The following COPZ1 variants were observed in gnomAD, a reference collection of about 807,000 sequenced individuals.
The protein encoded by COPZ1 is coat protein complex I subunit zeta 1.
A neutral mutation model predicts 31.7 loss-of-function variants in COPZ1; 4 were observed. The ratio of observed to expected loss-of-function variants is 0.13; its 90% CI spans 0.06 to 0.29. The LOEUF (loss-of-function observed/expected upper bound fraction) is 0.29. COPZ1 is among the 10% of genes least tolerant of loss of function. The pLI, the probability that COPZ1 is intolerant of heterozygous loss-of-function variation, is 1.00. For synonymous variants in COPZ1, 74 were observed against 79.0 expected (o/e 0.94, Z 0.33); for missense variants, 156 against 211.5 (o/e 0.74, Z 1.63).
intron 1 of COPZ1, 50 bp downstream of exon 1, chr12:54,325,231 G>C (rs1422423433): frequency 6.5e-7 from 1 of 1,545,562 alleles, no homozygotes; most frequent in African/African-American, 1.4e-5. Flanking sequence ...CAGGGGCCGG[G>C]AGTCAGGGTT....
At chr12:54,346,852 T>C (rs1456760680) in intron 5 of COPZ1, among the ~76,000 whole-genome samples, 1 of 152,098 alleles carries the variant, frequency 6.6e-6, no homozygotes, top group Non-Finnish European at 1.5e-5. Context: ...CAAGACCCTG[T>C]CTCAAAAAAC....
intron 1 of COPZ1, 50 bp from the exon 2 acceptor site, chr12:54,340,497 C>T (rs1453272665): frequency 6.2e-7 from 1 of 1,610,116 alleles, no homozygotes; most frequent in African/African-American, 1.3e-5. Flanking sequence ...TCTGGTTTAC[C>T]AGTGGTGATG....
chr12:54,348,557 T>G (rs1954100497), intron 7 of COPZ1, among the ~76,000 whole-genome samples: 1 of 151,936 alleles, frequency 6.6e-6, no homozygotes, highest in Admixed American at 6.6e-5. Context: ...ACCAACATGG[T>G]GAAACCCTGT....
chr12:54,328,359 C>G (rs1953698650), intron 1 of COPZ1, among the ~76,000 whole-genome samples: 1 of 151,482 alleles, frequency 6.6e-6, no homozygotes, highest in Non-Finnish European at 1.5e-5. Flanking sequence ...ATCACGAGGT[C>G]AGGAGTTGGA....
chr12:54,343,421 T>G, intron 4 of COPZ1, 105 bp downstream of exon 4: 1 of 917,230 alleles, frequency 1.1e-6, no homozygotes, highest in Non-Finnish European at 1.8e-6. Context: ...TTCCTCTGGC[T>G]TCTGACCAAG....
chr12:54,350,620 C>G lies in COPZ1; in HGVS notation c.*97C>G. On this transcript the variant is annotated 3_prime_UTR_variant, in exon 9 of 9. Coordinates refer to ENST00000262061, the MANE Select transcript of COPZ1 (RefSeq NM_016057.3). ...CCCCAATCGATGCTCTCAGGGTCAT[C>G]TCGGGGATCACAGGGATCCTTAAAT... 1 of 996,300 alleles carries G rather than the reference C, an allele frequency of 1.0e-6. No individual in the cohort carries two copies. The highest frequency in any genetic ancestry group is 1.3e-5 in the South Asian group (1 of 78,546). The allele number at this position is 996,300 out of a possible 1,614,324, so 61.7% of individuals were successfully genotyped here. A position where few individuals can be genotyped will look rare whatever the true frequency, so the allele number is the denominator to read the frequency against.
rs761904234 is a variant in COPZ1 at position 54,325,187 on chromosome 12, A to G, written c.18+6A>G. Reference sequence around the variant, plus strand: ...AGATGGAGGCGCTGATTTTGGTAGGAGCTGGAGGGGCAGCAGAGATGCTGT... The same window carrying G: ...AGATGGAGGCGCTGATTTTGGTAGGGGCTGGAGGGGCAGCAGAGATGCTGT... On this transcript the variant is annotated splice_donor_region_variant and intron_variant, in intron 1 of 8. Transcript: ENST00000262061. The G allele has an allele frequency of 1.9e-6, 3 of 1,559,834 alleles. No homozygotes were observed. Among genetic ancestry groups the G allele is most frequent in the Non-Finnish European group, 2.6e-6 (3 of 1,152,338 alleles).
At chr12:54,347,869 C>G (rs1954091501) in intron 6 of COPZ1, 25 bp downstream of exon 6, 1 of 1,612,082 alleles carries the variant, frequency 6.2e-7, no homozygotes, top group Non-Finnish European at 8.5e-7. Flanking sequence ...CTGCCTTGAT[C>G]TTGGGTGAGG....
chr12:54,327,790 C>T (rs1178662699), intron 1 of COPZ1, among the ~76,000 whole-genome samples: 1 of 152,088 alleles, frequency 6.6e-6, no homozygotes, highest in African/African-American at 2.4e-5. Context: ...AAAAACCTCC[C>T]CCTAAACCCA....
chr12:54,347,913 A>G (rs1306172891), intron 6 of COPZ1, 69 bp downstream of exon 6: 1 of 1,605,176 alleles, frequency 6.2e-7, no homozygotes, highest in Non-Finnish European at 8.5e-7. Flanking sequence ...TAAGTCAAGC[A>G]GGCTCAGTGG....
At chr12:54,339,969 GTGTGCC>G (rs1453409665) in intron 1 of COPZ1, among the ~76,000 whole-genome samples, 2 of 141,950 alleles carry the variant, frequency 1.4e-5, no homozygotes, top group Non-Finnish European at 3.0e-5. Context: ...TTGAGAACTG[GTGTGCC>G]TGTGCGTGTG....
At chr12:54,342,690 G>A (rs1953991311) in intron 3 of COPZ1, 1 of 200,206 alleles carries the variant, frequency 5.0e-6, no homozygotes, top group Admixed American at 5.5e-5. Context: ...AGGAACAGAG[G>A]ATGGTGGTTA....
At chr12:54,331,171 C>CAT (rs1565589471) in intron 1 of COPZ1, among the ~76,000 whole-genome samples, 1 of 138,522 alleles carries the variant, frequency 7.2e-6, no homozygotes, top group Admixed American at 7.5e-5. Context: ...TATTTTCACA[C>CAT]TCTTTTTTTT....
rs1191059503 is a variant in COPZ1, at chr12:54,342,124, G to T, written c.88-82G>T. 5 of 990,526 alleles carry T rather than the reference G, an allele frequency of 5.0e-6. No homozygotes were observed. In the Admixed American group the frequency reaches 5.4e-5, roughly 11 times the overall value. 61.4% of individuals were successfully genotyped at this position (990,526 alleles called of 1,614,324 possible). On this transcript the variant is annotated intron_variant, in intron 2 of 8. Transcript: ENST00000262061. ...CATGCCTTGAAGGAGAGAAATCCAA[G>T]ATCCCAGGGCAAAACATAGTCACTA... is the stretch of plus-strand genomic sequence containing the variant.
chr12:54,349,978 T>A (rs1954120300), intron 8 of COPZ1: 5 of 592,586 alleles, frequency 8.4e-6, no homozygotes, highest in Non-Finnish European at 1.5e-5. Flanking sequence ...TGTGTGCATT[T>A]GTGCACACAC....
chr12:54,336,763 C>T (rs1953873600), intron 1 of COPZ1, among the ~76,000 whole-genome samples: 1 of 151,848 alleles, frequency 6.6e-6, no homozygotes, highest in South Asian at 2.1e-4. Context: ...GTGGCTCACG[C>T]CTGTAATCCC....
chr12:54,339,506 C>A (rs1045784061), intron 1 of COPZ1, among the ~76,000 whole-genome samples: 2 of 152,046 alleles, frequency 1.3e-5, no homozygotes, highest in African/African-American at 4.8e-5. Flanking sequence ...CGCCACCACA[C>A]CTGGCTAATT....
At chr12:54,341,394 C>A (rs766469755) in intron 2 of COPZ1, among the ~76,000 whole-genome samples, 1 of 152,196 alleles carries the variant, frequency 6.6e-6, no homozygotes, top group Non-Finnish European at 1.5e-5. Context: ...CATATTCTCC[C>A]CCTCCTGTAG....
intron 2 of COPZ1, among the ~76,000 whole-genome samples, chr12:54,341,627 CCTGCATCTCCGCCCCCTTTG>C (rs1953975122): frequency 6.6e-6 from 1 of 152,230 alleles, no homozygotes. Flanking sequence ...GATTTAGCAG[CCTGCATCTCCGCCCCCTTTG>C]CCAGGGAGAG....
Sources: gnomAD v4.1 joint callset for allele counts (sites outside exome capture counted in the v4.1 genomes callset) on GRCh38, gnomAD v4.1.1 for gene constraint, MANE v1.5 for transcripts, NCBI Gene and HGNC (gene_info 2026-07-23, HGNC 2026-07-21) for gene names.